TSNAXIP1: variants seen among roughly 807,000 people sequenced by gnomAD.
The protein encoded by TSNAXIP1 is translin-associated factor X-interacting protein 1.
A neutral mutation model predicts 84.8 loss-of-function variants in TSNAXIP1; 89 were observed. That is an observed-to-expected ratio of 1.05 (90% confidence interval 0.88 to 1.25). The LOEUF is 1.25. TSNAXIP1 is among the 50% of genes most tolerant of loss of function. The probability of loss-of-function intolerance (pLI) is 0.00; values close to 1 mark genes in which losing one functional copy is unlikely to be tolerated. For missense variants in TSNAXIP1, 874 were observed against 887.6 expected (o/e 0.98, Z 0.20); for synonymous variants, 347 against 335.2 (o/e 1.04, Z -0.39).
Position 67,826,443 on chromosome 16 carries a change from G to A in TSNAXIP1, c.1282G>A (p.Gly428Arg), listed in dbSNP as rs765625149. 2.5e-6 allele frequency: 4 copies of A among 1,613,652 alleles called. No homozygotes were observed. Among genetic ancestry groups the A allele is most frequent in the East Asian group, 2.2e-5 (1 of 44,878 alleles). Residue 428 changes from glycine (G) to arginine (R), a missense_variant, in exon 11 of 16, where the codon GGG becomes AGG. Coordinates refer to ENST00000561639, the MANE Select transcript of TSNAXIP1 (RefSeq NM_001288990.3). ...EKDFFPGLGY[G>R]EAIPAFLRFD... is the part of the protein sequence containing the mutation. Reference sequence around the variant, plus strand: ...CTGATATCCTCCCTCCTAGGGCTATGGGGAAGCCATCCCTGCTTTTCTTCG... The same window carrying A: ...CTGATATCCTCCCTCCTAGGGCTATAGGGAAGCCATCCCTGCTTTTCTTCG...
chr16:67,812,243 G>A (rs1296774394), intron 1 of TSNAXIP1, among the ~76,000 whole-genome samples: 2 of 152,100 alleles, frequency 1.3e-5, no homozygotes, highest in African/African-American at 2.4e-5. Context: ...AGCCCTTCCT[G>A]TTGGTCCCCA....
intron 1 of TSNAXIP1, among the ~76,000 whole-genome samples, chr16:67,809,246 G>A (rs1456697911): frequency 2.0e-5 from 3 of 147,028 alleles, no homozygotes; most frequent in Admixed American, 7.0e-5. Flanking sequence ...AAGGTGCGCG[G>A]ATCACGGGGT....
intron 2 of TSNAXIP1, among the ~76,000 whole-genome samples, chr16:67,816,415 G>A (rs897244772): frequency 2.0e-5 from 3 of 152,156 alleles, no homozygotes; most frequent in Admixed American, 1.3e-4. Context: ...GAACAGCATG[G>A]GCTGTATGGT....
At chr16:67,808,331 C>A (rs1330021775) in intron 1 of TSNAXIP1, among the ~76,000 whole-genome samples, 6 of 152,136 alleles carry the variant, frequency 3.9e-5, no homozygotes, top group Non-Finnish European at 8.8e-5. Flanking sequence ...AATCCCAGCA[C>A]TTTGGGAGGC....
At chr16:67,814,148 A>AGGGAC (rs2056350416) in intron 1 of TSNAXIP1, among the ~76,000 whole-genome samples, 154 bp from the exon 2 acceptor site, 1 of 152,214 alleles carries the variant, frequency 6.6e-6, no homozygotes, top group Non-Finnish European at 1.5e-5. Context: ...ACCCAAGGCC[A>AGGGAC]GGGACTTGCT....
intron 2 of TSNAXIP1, among the ~76,000 whole-genome samples, chr16:67,817,655 G>A (rs949756483): frequency 2.0e-5 from 3 of 150,382 alleles, no homozygotes; most frequent in Non-Finnish European, 3.0e-5. Flanking sequence ...ACTTTGGGAG[G>A]CCGAAGTGGG....
chr16:67,824,749 G>T lies in TSNAXIP1; in HGVS notation c.648G>T (p.Lys216Asn), dbSNP rs1439555214. The T allele has an allele frequency of 6.2e-7, 1 of 1,613,962 alleles. No individual in the cohort carries two copies. The highest frequency in any genetic ancestry group is 1.3e-5 in the African/African-American group (1 of 74,908). ...ACTTGCTAAAACTCATCGACAAAAA[G>T]AATGAGGAGAAGATTTCATTGCAGA... ...KMNLLKLIDK[K>N]NEEKISLQSE... The change falls in exon 6 of 16, where the codon AAG (lysine) becomes AAT (asparagine). Residue 216 changes from lysine (K) to asparagine (N), a missense_variant. Lys to Asn is a moderately conservative substitution (Grantham distance 94, BLOSUM62 0). Coordinates refer to ENST00000561639, the MANE Select transcript of TSNAXIP1 (RefSeq NM_001288990.3).
chr16:67,813,731 C>CAAAAAAAAAAA (rs373627128), intron 1 of TSNAXIP1, among the ~76,000 whole-genome samples: 16 of 41,202 alleles, frequency 3.9e-4, no homozygotes, highest in Non-Finnish European at 5.1e-4. Flanking sequence ...GACTCCGTCT[C>CAAAAAAAAAAA]AAAAAAAAAA....
intron 1 of TSNAXIP1, chr16:67,807,414 A>C: frequency 1.3e-6 from 2 of 1,507,822 alleles, no homozygotes; most frequent in East Asian, 2.6e-5. Context: ...TACTAGTAAC[A>C]ACCAGCTTGT....
intron 6 of TSNAXIP1, 90 bp downstream of exon 6, chr16:67,824,869 A>C: frequency 1.4e-6 from 2 of 1,385,650 alleles, no homozygotes; most frequent in Non-Finnish European, 2.0e-6. Flanking sequence ...CTGCCTTTCT[A>C]CGGAGAGTGA....
Position 67,826,096 on chromosome 16 carries a change from C to A in TSNAXIP1, c.1144+20C>A, listed in dbSNP as rs934682077. 2.5e-5 allele frequency: 40 copies of A among 1,613,278 alleles called. No individual in the cohort carries two copies. Among genetic ancestry groups the A allele is most frequent in the Non-Finnish European group, 3.4e-5 (40 of 1,179,980 alleles). The stretch of plus-strand genomic sequence containing the variant: ...GCAAAGGTGAGGGCAGCCGGCAGGG[C>A]CCCAGGTCCTGCTTACATGTGGGCC... On this transcript the variant is annotated intron_variant, in intron 9 of 15. Transcript: ENST00000561639.
In TSNAXIP1 at chr16:67,827,265, A is replaced by G; in HGVS notation, c.1681A>G (p.Thr561Ala). Reference sequence around the variant, plus strand: ...CCCCTACAGCACTGTCCTCAAGAGTACCTTCCCTCTCAAGACAGAAGAGCA... The same window carrying G: ...CCCCTACAGCACTGTCCTCAAGAGTGCCTTCCCTCTCAAGACAGAAGAGCA... ...MEQFNTVLKS[T>A]FPLKTEEQIQ... The change falls in exon 14 of 16, where the codon ACC becomes GCC. Residue 561 changes from threonine (T) to alanine (A), a missense_variant. Thr to Ala is a moderately conservative substitution (Grantham distance 58). Transcript: ENST00000561639. The G allele has an allele frequency of 1.2e-6, 2 of 1,614,176 alleles. No individual in the cohort carries two copies. The highest frequency in any genetic ancestry group is 2.2e-5 in the East Asian group (1 of 44,884).
intron 4 of TSNAXIP1, among the ~76,000 whole-genome samples, chr16:67,821,588 A>C (rs2057062706): frequency 6.6e-6 from 1 of 152,096 alleles, no homozygotes; most frequent in Non-Finnish European, 1.5e-5. Context: ...AAAAACAAAA[A>C]AAAGCCTCAC....
At position 67,819,893 on chromosome 16, in the gene TSNAXIP1, A is replaced by G. The variant is rs575602246; in HGVS notation, c.148-946A>G. 8.4e-3 allele frequency among the ~76,000 whole-genome samples: 1,209 copies of G among 143,850 alleles called. 12 individuals carry two copies. The highest frequency in any genetic ancestry group is 0.014 in the Middle Eastern group (4 of 280). The allele number at this position is 143,850 out of a possible 152,430, so 94.4% of individuals were successfully genotyped here. ...GAGTGCAGTGGCGCAATCTTGGCTC[A>G]CTGCAAACTCCGCCTCCTGGGTTCA... On this transcript the variant is annotated intron_variant, in intron 2 of 15. Coordinates refer to ENST00000561639, the MANE Select transcript of TSNAXIP1 (RefSeq NM_001288990.3).
At chr16:67,818,338 AT>A (rs1301902051) in intron 2 of TSNAXIP1, among the ~76,000 whole-genome samples, 2 of 152,228 alleles carry the variant, frequency 1.3e-5, no homozygotes, top group Admixed American at 6.5e-5. Context: ...ACACAGGGAG[AT>A]TTCATCTCTA....
chr16:67,820,049 A>C (rs898900295), intron 2 of TSNAXIP1, among the ~76,000 whole-genome samples: 2 of 151,092 alleles, frequency 1.3e-5, no homozygotes, highest in Non-Finnish European at 2.9e-5. Flanking sequence ...CGATCTCCTG[A>C]CCTCGTGATC....
In TSNAXIP1 at chr16:67,825,978, T is replaced by C. The variant is rs150340970; in HGVS notation, c.1046T>C (p.Leu349Pro). ...VRKEHEILMQ[L>P]HMSTLKERDQ... The stretch of plus-strand genomic sequence containing the variant: ...AAGGAGCATGAGATCCTCATGCAGC[T>C]GCACATGAGCACGCTGAAGGAACGG... Residue 349 changes from leucine (L) to proline (P), a missense_variant, in exon 9 of 16, where the codon CTG (leucine) becomes CCG (proline). By Grantham distance (98) the Leu-to-Pro change is moderately conservative. Coordinates refer to ENST00000561639, the MANE Select transcript of TSNAXIP1 (RefSeq NM_001288990.3). 1.8e-4 allele frequency: 284 copies of C among 1,614,004 alleles called. No homozygotes were observed. Among genetic ancestry groups the C allele is most frequent in the Non-Finnish European group, 2.2e-4 (262 of 1,180,026 alleles).
rs201693864 is a variant in TSNAXIP1, at chr16:67,827,451, C to A, written c.1792-22C>A. Reference sequence around the variant, plus strand: ...TGGACCCTACCCAATGTGCCCTCCCCCTGACTTGTGGCCCCTCCCAGGATG... The same window carrying A: ...TGGACCCTACCCAATGTGCCCTCCCACTGACTTGTGGCCCCTCCCAGGATG... On this transcript the variant is annotated intron_variant, in intron 14 of 15. Transcript: ENST00000561639. The A allele has an allele frequency of 1.9e-6, 3 of 1,614,130 alleles. No individual in the cohort carries two copies. In the South Asian group the frequency reaches 3.3e-5, roughly 18 times the overall value.
intron 1 of TSNAXIP1, among the ~76,000 whole-genome samples, chr16:67,808,778 A>AAGAG (rs1003150452): frequency 2.6e-5 from 4 of 152,004 alleles, no homozygotes; most frequent in African/African-American, 9.7e-5. Context: ...GGAAAAAGAA[A>AAGAG]AGAGAGAGAG....
Sources: gnomAD v4.1 joint callset for allele counts (sites outside exome capture counted in the v4.1 genomes callset) on GRCh38, gnomAD v4.1.1 for gene constraint, MANE v1.5 for transcripts, NCBI Gene and HGNC (gene_info 2026-07-23, HGNC 2026-07-21) for gene names.